The following SMPD3 variants were observed in gnomAD, a reference collection of about 807,000 sequenced individuals.
The protein encoded by SMPD3 is nSMase-2.
In SMPD3, 21 loss-of-function variants were observed where a neutral mutation model predicts 55.7. The ratio of observed to expected loss-of-function variants is 0.38; its 90% CI spans 0.27 to 0.54. The LOEUF (loss-of-function observed/expected upper bound fraction) is 0.54. SMPD3 is among the 20% of genes least tolerant of loss of function. The pLI is 0.80. For synonymous variants in SMPD3, 457 were observed against 404.3 expected (o/e 1.13, Z -1.56); for missense variants, 842 against 899.6 (o/e 0.94, Z 0.82).
At chr16:68,396,863 T>G (rs2090162104) in intron 1 of SMPD3, among the ~76,000 whole-genome samples, 1 of 152,228 alleles carries the variant, frequency 6.6e-6, no homozygotes, top group Non-Finnish European at 1.5e-5. Context: ...CTGTGTGAAC[T>G]CACGTGTGTG....
At chr16:68,421,459 G>A (rs1049570867) in intron 1 of SMPD3, among the ~76,000 whole-genome samples, 1 of 152,216 alleles carries the variant, frequency 6.6e-6, no homozygotes, top group African/African-American at 2.4e-5. Flanking sequence ...GTGGGGTGGG[G>A]GATGAAGAGA....
At chr16:68,406,987 G>A (rs1247961940) in intron 1 of SMPD3, among the ~76,000 whole-genome samples, 5 of 152,124 alleles carry the variant, frequency 3.3e-5, no homozygotes, top group Admixed American at 1.3e-4. Context: ...TTGTAAAATC[G>A]GATGGCTGTT....
Position 68,360,309 on chromosome 16 carries a change from C to T in SMPD3, c.*897G>A, listed in dbSNP as rs938312949. The T allele has an allele frequency of 2.0e-5, 3 of 151,568 alleles. No homozygotes were observed. Among genetic ancestry groups the T allele is most frequent in the South Asian group, 2.1e-4 (1 of 4,786 alleles). The allele number at this position is 151,568 out of a possible 1,614,324, so 9.4% of individuals were successfully genotyped here. On this transcript the variant is annotated 3_prime_UTR_variant, in exon 9 of 9. Transcript: ENST00000219334. ...ATAGATTATTTTCAAAATCAGGATC[C>T]CCCCCACCCCCGTTTATGCTGTGAG...
chr16:68,431,478 C>T (rs1411365574), intron 1 of SMPD3, among the ~76,000 whole-genome samples: 7 of 152,128 alleles, frequency 4.6e-5, no homozygotes, highest in Non-Finnish European at 8.8e-5. Context: ...TTGTATCAGA[C>T]CTGGGAGTTT....
At chr16:68,370,747 ACCTCCCACTCCAG>A (rs1567782726) in intron 3 of SMPD3, 99 bp downstream of exon 3, 3 of 1,407,382 alleles carry the variant, frequency 2.1e-6, no homozygotes, top group Non-Finnish European at 2.9e-6. Context: ...TCCCACTCCA[ACCTCCCACTCCAG>A]CCCCCATGAC....
intron 7 of SMPD3, among the ~76,000 whole-genome samples, chr16:68,362,923 G>T (rs1244999038): frequency 6.6e-6 from 1 of 152,186 alleles, no homozygotes; most frequent in Non-Finnish European, 1.5e-5. Context: ...AGGAACCATC[G>T]CTGTGACTGC....
chr16:68,361,799 G>C (rs759871907), intron 7 of SMPD3, 40 bp from the exon 8 acceptor site: 3 of 1,591,258 alleles, frequency 1.9e-6, no homozygotes, highest in East Asian at 4.6e-5. Context: ...CCCCATGCCC[G>C]CCCCTGTGGG....
At position 68,363,543 on chromosome 16, in the gene SMPD3, C is replaced by T. The variant is rs1039031654; in HGVS notation, c.1662G>A (p.Thr554=). The T allele has an allele frequency of 1.5e-5, 24 of 1,613,840 alleles. No individual in the cohort carries two copies. The highest frequency in any genetic ancestry group is 8.9e-5 in the East Asian group (4 of 44,882). Residue 554 remains threonine, a synonymous_variant, in exon 7 of 9, where the codon ACG becomes ACA. Coordinates refer to ENST00000219334, the MANE Select transcript of SMPD3 (RefSeq NM_018667.4). ...ACACATCCTCATCGTACAGGCCGTTCGTGTCCAGCAGAGTACCTGGGGGGG... is the reference window on the plus strand; with the variant it reads ...ACACATCCTCATCGTACAGGCCGTTTGTGTCCAGCAGAGTACCTGGGGGGG... The part of the protein sequence containing the change: ...KPWAIGTLLD[T]NGLYDEDVCT...
At chr16:68,445,336 G>A (rs2090601799) in intron 1 of SMPD3, among the ~76,000 whole-genome samples, 1 of 152,244 alleles carries the variant, frequency 6.6e-6, no homozygotes, top group Admixed American at 6.5e-5. Flanking sequence ...GCCTTGATAA[G>A]TGTTTTCCAT....
rs1172291255 is a variant in SMPD3, at chr16:68,363,819, G to A, written c.1603C>T (p.Pro535Ser). The A allele has an allele frequency of 1.3e-6, 2 of 1,571,948 alleles. No homozygotes were observed. Among genetic ancestry groups the A allele is most frequent in the Admixed American group, 3.7e-5 (2 of 53,952 alleles). ...TCCTCACCAGGCCCCAGGCGGCAGG[G>A]GTCCCTGTAGTGGGTGAACAGGGAG... ...QHSLFTHYRD[P>S]CRLGPGEEKP... The change falls in exon 6 of 9, where the codon CCC (proline) becomes TCC (serine). Residue 535 changes from proline to serine, a missense_variant. Pro to Ser is a moderately conservative substitution (Grantham distance 74, BLOSUM62 -1). Coordinates refer to ENST00000219334, the MANE Select transcript of SMPD3 (RefSeq NM_018667.4).
At chr16:68,395,092 A>G (rs2090144076) in intron 1 of SMPD3, among the ~76,000 whole-genome samples, 3 of 137,292 alleles carry the variant, frequency 2.2e-5, no homozygotes, top group African/African-American at 8.5e-5. Context: ...CTGGAATTGG[A>G]AAAAAAAAAA....
intron 2 of SMPD3, among the ~76,000 whole-genome samples, chr16:68,378,202 A>G (rs1050031450): frequency 1.3e-5 from 2 of 152,138 alleles, no homozygotes; most frequent in African/African-American, 4.8e-5. Flanking sequence ...CTCCAATCCA[A>G]TTACCCAAGG....
chr16:68,363,504 G>T lies in SMPD3; in HGVS notation c.1701C>A (p.Asn567Lys). The change falls in exon 7 of 9, where the codon AAC (asparagine) becomes AAA (lysine). Residue 567 changes from asparagine (N) to lysine (K), a missense_variant. Physicochemically the swap from Asn to Lys is moderately conservative, Grantham distance 94 (BLOSUM62 0). This residue lies in a region of SMPD3 where 649 missense variants were observed against 643.6 expected (regional missense o/e 1.01). Transcript: ENST00000219334. ...GGGAGCGCAGTGCTTACTTCTGCAGGTTGTCGGGGGTGCACACATCCTCAT... is the reference window on the plus strand; with the variant it reads ...GGGAGCGCAGTGCTTACTTCTGCAGTTTGTCGGGGGTGCACACATCCTCAT... ...LYDEDVCTPD[N>K]LQKVLESEEG... The T allele has an allele frequency of 1.2e-6, 2 of 1,614,074 alleles. No individual in the cohort carries two copies. The highest frequency in any genetic ancestry group is 8.5e-7 in the Non-Finnish European group (1 of 1,180,010).
At chr16:68,448,158 C>G (rs1369477119) in intron 1 of SMPD3, among the ~76,000 whole-genome samples, 195 bp downstream of exon 1, 1 of 152,172 alleles carries the variant, frequency 6.6e-6, no homozygotes, top group East Asian at 1.9e-4. Context: ...AGAGCCTTCT[C>G]CATGATAAAA....
At chr16:68,402,869 G>A (rs1007751886) in intron 1 of SMPD3, among the ~76,000 whole-genome samples, 18 of 152,228 alleles carry the variant, frequency 1.2e-4, no homozygotes, top group Non-Finnish European at 2.9e-5. Flanking sequence ...ACCAGTGTAT[G>A]CTGAATTAGG....
rs149300261 is a variant in SMPD3, at chr16:68,361,048, G to A, written c.*158C>T. The A allele has an allele frequency of 4.0e-4, 267 of 659,804 alleles. 1 individual carries two copies. Among genetic ancestry groups the A allele is most frequent in the Non-Finnish European group, 5.4e-4 (212 of 392,368 alleles). The allele number at this position is 659,804 out of a possible 1,614,324, so 40.9% of individuals were successfully genotyped here. ...TCTGTCCACAGTGAGGCCCAGAGGC[G>A]CAGAGCAGCGCAGCTTCCAGGTTCC... is the stretch of plus-strand genomic sequence containing the variant. On this transcript the variant is annotated 3_prime_UTR_variant, in exon 9 of 9. Transcript: ENST00000219334.
chr16:68,406,624 C>A (rs1255013525), intron 1 of SMPD3, among the ~76,000 whole-genome samples: 1 of 152,226 alleles, frequency 6.6e-6, no homozygotes, highest in Non-Finnish European at 1.5e-5. Context: ...TGGGCATCTG[C>A]CACTGGCATC....
intron 2 of SMPD3, among the ~76,000 whole-genome samples, chr16:68,386,043 C>A (rs548105631): frequency 6.6e-6 from 1 of 152,120 alleles, no homozygotes; most frequent in South Asian, 2.1e-4. Context: ...GGCAACATGG[C>A]GACACCAGGC....
intron 1 of SMPD3, among the ~76,000 whole-genome samples, chr16:68,439,684 C>A (rs2090551438): frequency 6.6e-6 from 1 of 152,200 alleles, no homozygotes; most frequent in African/African-American, 2.4e-5. Flanking sequence ...TTAACATAAG[C>A]CTTCACTGAG....
Sources: allele counts gnomAD v4.1 joint callset (sites outside exome capture counted in the v4.1 genomes callset), GRCh38; gene constraint gnomAD v4.1.1; regional missense constraint gnomAD v4.1.1; transcripts MANE v1.5; gene names NCBI Gene and HGNC (gene_info 2026-07-23, HGNC 2026-07-21).